Variants in LRRC3B observed in about 807,000 individuals in gnomAD.
The protein encoded by LRRC3B is leucine rich repeat containing 3B, also known as leucine-rich repeat-containing protein 3B.
Under a neutral mutation model 12.8 loss-of-function variants are expected in LRRC3B, and 2 were observed. The observed-to-expected ratio is 0.16, with a 90% CI of 0.06 to 0.49. The LOEUF is 0.49. Among genes scored for constraint, LRRC3B ranks in the 20% least tolerant of loss-of-function variants. The probability of loss-of-function intolerance (pLI) is 0.96; values close to 1 mark genes in which losing one functional copy is unlikely to be tolerated. For synonymous variants in LRRC3B, 132 were observed against 122.0 expected (o/e 1.08, Z -0.54); for missense variants, 189 against 319.4 (o/e 0.59, Z 3.11).
intron 1 of LRRC3B, among the ~76,000 whole-genome samples, chr3:26,628,423 GAAAA>G (rs35313598): frequency 7.5e-6 from 1 of 134,120 alleles, no homozygotes; most frequent in Admixed American, 7.4e-5. Context: ...GAAGATACTG[GAAAA>G]AAAAAAAAAA....
At position 26,698,119 on chromosome 3, in the gene LRRC3B, A is replaced by G. The variant is rs1026794515; in HGVS notation, c.-160-11394A>G. Among the ~76,000 whole-genome samples, 3 of 151,860 alleles carry G rather than the reference A, an allele frequency of 2.0e-5. No homozygotes were observed. The Admixed American group carries it at 2.0e-4, about 10-fold the overall frequency. ...GACATCAGTGTAAGATGATGATGAT[A>G]GTGGTGGTGGTGGTGGTGGTGGCAG... On this transcript the variant is annotated intron_variant, in intron 1 of 1. Transcript: ENST00000396641.
intron 1 of LRRC3B, among the ~76,000 whole-genome samples, chr3:26,671,954 C>T (rs973711662): frequency 1.3e-5 from 2 of 152,152 alleles, no homozygotes; most frequent in Non-Finnish European, 2.9e-5. Context: ...TCTATTTAGG[C>T]GGTTGAAAAT....
chr3:26,695,344 G>T (rs545904609), intron 1 of LRRC3B, among the ~76,000 whole-genome samples: 13 of 152,228 alleles, frequency 8.5e-5, no homozygotes, highest in African/African-American at 2.9e-4. Flanking sequence ...TGGCTAACAC[G>T]GTGAAACCCA....
intron 1 of LRRC3B, among the ~76,000 whole-genome samples, chr3:26,640,230 T>C (rs4496438): frequency 0.25 from 37,567 of 151,888 alleles, 4,864 homozygotes; most frequent in African/African-American, 0.32. Flanking sequence ...ATATTCTTTT[T>C]ACGAGTGGTC....
chr3:26,644,048 G>C (rs12496948), intron 1 of LRRC3B, among the ~76,000 whole-genome samples: 1 of 151,876 alleles, frequency 6.6e-6, no homozygotes. Flanking sequence ...ATTATTTTTT[G>C]GTATTTACAT....
chr3:26,710,754 G>T (rs1457566305), exon 2 of LRRC3B: 2 of 213,466 alleles, frequency 9.4e-6, no homozygotes, highest in African/African-American at 2.3e-5. Context: ...GCAAATAAAA[G>T]CTTAACTTTG....
intron 1 of LRRC3B, among the ~76,000 whole-genome samples, chr3:26,650,783 T>A (rs553774735): frequency 2.6e-5 from 4 of 152,266 alleles, no homozygotes; most frequent in Non-Finnish European, 5.9e-5. Flanking sequence ...TTCAGAGAAG[T>A]CCCAGTTATG....
Position 26,636,950 on chromosome 3 carries a change from CTTTCTTTCTTTCTTTCTTTCTT to C in LRRC3B, c.-161+13715_-161+13736del, listed in dbSNP as rs1354915901. ...TCTTTCTTTCTTTCTTTCTTTCTTTCTTTCTTTCTTTCTTTCTTTCTTTCTCTCTCTCTCTTTCTCTCTTTCT... is the reference window on the plus strand; with the variant it reads ...TCTTTCTTTCTTTCTTTCTTTCTTTCTCTCTCTCTCTCTTTCTCTCTTTCT... On this transcript the variant is annotated intron_variant, in intron 1 of 1. Transcript: ENST00000396641. Among the ~76,000 whole-genome samples, 15 of 122,944 alleles carry C rather than the reference CTTTCTTTCTTTCTTTCTTTCTT, an allele frequency of 1.2e-4. No individual in the cohort carries two copies. The East Asian group carries it at 2.5e-3, about 20-fold the overall frequency. The allele number at this position is 122,944 out of a possible 152,430, so 80.7% of individuals were successfully genotyped here.
chr3:26,637,408 C>T (rs1698925766), intron 1 of LRRC3B, among the ~76,000 whole-genome samples: 1 of 152,190 alleles, frequency 6.6e-6, no homozygotes, highest in African/African-American at 2.4e-5. Flanking sequence ...CTAGGGCTTT[C>T]TCAGGTGAAA....
At chr3:26,652,960 A>G (rs1279415374) in intron 1 of LRRC3B, among the ~76,000 whole-genome samples, 1 of 152,092 alleles carries the variant, frequency 6.6e-6, no homozygotes, top group African/African-American at 2.4e-5. Flanking sequence ...GCTGAAATCT[A>G]TTTCTGGAGA....
intron 1 of LRRC3B, among the ~76,000 whole-genome samples, chr3:26,649,949 A>T (rs1213471862): frequency 6.6e-6 from 1 of 152,120 alleles, no homozygotes. Context: ...CTACTTATCC[A>T]GTGCAATTTC....
At chr3:26,643,848 C>T (rs181651969) in intron 1 of LRRC3B, among the ~76,000 whole-genome samples, 61 of 152,230 alleles carry the variant, frequency 4.0e-4, no homozygotes, top group Non-Finnish European at 3.5e-4. Context: ...CCAGTTTGGC[C>T]GGGCAACCTT....
rs557274089 is a variant in LRRC3B at position 26,653,965 on chromosome 3, T to G, written c.-161+30728T>G. Among the ~76,000 whole-genome samples the G allele has an allele frequency of 4.6e-5, 7 of 152,318 alleles. No homozygotes were observed. In the South Asian group the frequency reaches 1.4e-3, roughly 32 times the overall value. On this transcript the variant is annotated intron_variant, in intron 1 of 1. Coordinates refer to ENST00000396641, the Ensembl canonical transcript of LRRC3B. The stretch of plus-strand genomic sequence containing the variant: ...CCTGGTGGCACCAGATGGCTATTTT[T>G]TTTTCCATGTCTAATTAACAGCCTA...
At chr3:26,691,666 T>C (rs1700196988) in intron 1 of LRRC3B, among the ~76,000 whole-genome samples, 1 of 152,218 alleles carries the variant, frequency 6.6e-6, no homozygotes, top group Admixed American at 6.5e-5. Flanking sequence ...GCCTCAGTTC[T>C]GGACAAGGAT....
At chr3:26,706,352 C>T (rs1010390707) in intron 1 of LRRC3B, among the ~76,000 whole-genome samples, 2 of 152,114 alleles carry the variant, frequency 1.3e-5, no homozygotes, top group Non-Finnish European at 2.9e-5. Flanking sequence ...CTACATCCTG[C>T]ATCTTTTGTC....
rs1698870381 is a variant in LRRC3B at position 26,636,338 on chromosome 3, A to C, written c.-161+13101A>C. The stretch of plus-strand genomic sequence containing the variant: ...ATAGAAGGATGTGATTTTTTTTTAC[A>C]AAATGGTGACTTTAGGATGCTTTCT... On this transcript the variant is annotated intron_variant, in intron 1 of 1. Coordinates refer to ENST00000396641, the Ensembl canonical transcript of LRRC3B. 5.3e-5 allele frequency among the ~76,000 whole-genome samples: 8 copies of C among 152,314 alleles called. No individual in the cohort carries two copies. In the South Asian group the frequency reaches 1.7e-3, roughly 32 times the overall value.
intron 1 of LRRC3B, among the ~76,000 whole-genome samples, chr3:26,673,608 A>T (rs920522273): frequency 6.6e-6 from 1 of 152,334 alleles, no homozygotes; most frequent in Admixed American, 6.5e-5. Context: ...CAGTGGTTAC[A>T]GTAGCCTGAC....
At chr3:26,690,877 T>A (rs1007965503) in intron 1 of LRRC3B, among the ~76,000 whole-genome samples, 9 of 151,856 alleles carry the variant, frequency 5.9e-5, no homozygotes, top group Non-Finnish European at 1.2e-4. Context: ...GCCTATATGA[T>A]TATCTTACTG....
At chr3:26,642,690 C>T (rs1341909997) in intron 1 of LRRC3B, among the ~76,000 whole-genome samples, 1 of 152,078 alleles carries the variant, frequency 6.6e-6, no homozygotes, top group East Asian at 1.9e-4. Flanking sequence ...AATGACTGGA[C>T]TTTAAGAATA....
Sources: allele counts gnomAD v4.1 joint callset (sites outside exome capture counted in the v4.1 genomes callset), GRCh38; gene constraint gnomAD v4.1.1; transcripts MANE v1.5; gene names NCBI Gene and HGNC (gene_info 2026-07-23, HGNC 2026-07-21).